Variants in OSBPL5 observed in about 807,000 individuals in gnomAD.
The protein encoded by OSBPL5 is oxysterol binding protein like 5, also known as oxysterol-binding protein-related protein 5.
In OSBPL5, 71 loss-of-function variants were observed where a neutral mutation model predicts 111.2. That is an observed-to-expected ratio of 0.64 (90% CI 0.53 to 0.78). The LOEUF is 0.78. Among genes scored for constraint, OSBPL5 ranks in the 30% least tolerant of loss-of-function variants. The pLI is 0.00. For synonymous variants in OSBPL5, 549 were observed against 513.9 expected (o/e 1.07, Z -0.93); for missense variants, 1,210 against 1,189.3 (o/e 1.02, Z -0.26).
chr11:3,159,831 A>T (rs537953694), intron 1 of OSBPL5, among the ~76,000 whole-genome samples: 1 of 152,168 alleles, frequency 6.6e-6, no homozygotes, highest in South Asian at 2.1e-4. Flanking sequence ...ATGCTCACCC[A>T]GCGCTTGTGT....
At chr11:3,138,768 C>A (rs1161676560) in intron 1 of OSBPL5, among the ~76,000 whole-genome samples, 2 of 152,234 alleles carry the variant, frequency 1.3e-5, no homozygotes, top group Non-Finnish European at 2.9e-5. Context: ...CAGGCCGCTG[C>A]CTACCCAGGT....
intron 1 of OSBPL5, among the ~76,000 whole-genome samples, chr11:3,136,453 C>G (rs2134499695): frequency 6.6e-6 from 1 of 152,402 alleles, no homozygotes; most frequent in East Asian, 1.9e-4. Flanking sequence ...GGCTGAAGCT[C>G]TGAGAAGGAA....
chr11:3,144,504 G>A (rs989775756), intron 1 of OSBPL5, among the ~76,000 whole-genome samples: 1 of 152,178 alleles, frequency 6.6e-6, no homozygotes, highest in Non-Finnish European at 1.5e-5. Context: ...CTCCGTGGCC[G>A]GGACCAGCTG....
chr11:3,155,371 C>A (rs1846721264), intron 1 of OSBPL5, among the ~76,000 whole-genome samples: 3 of 152,198 alleles, frequency 2.0e-5, no homozygotes, highest in Admixed American at 2.0e-4. Flanking sequence ...GGGCCACTTC[C>A]CAGCTGGTGA....
At chr11:3,112,481 T>TTC (rs1554898484) in intron 7 of OSBPL5, among the ~76,000 whole-genome samples, 1,718 of 147,276 alleles carry the variant, frequency 0.012, 30 homozygotes, top group African/African-American at 0.039. Flanking sequence ...TTCTTTTCTT[T>TTC]TTTTTTTTTT....
At chr11:3,090,463 TG>T in intron 20 of OSBPL5, 94 bp downstream of exon 20, 1 of 1,499,454 alleles carries the variant, frequency 6.7e-7, no homozygotes, top group Non-Finnish European at 9.1e-7. Flanking sequence ...GCCCTACATC[TG>T]GGCAGGTGCT....
rs367916712 is a variant in OSBPL5 at position 3,092,300 on chromosome 11, G to A, written c.2259+132C>T. The A allele has an allele frequency of 1.3e-5, 16 of 1,259,618 alleles. No individual in the cohort carries two copies. The highest frequency in any genetic ancestry group is 3.0e-5 in the African/African-American group (2 of 66,150). The allele number at this position is 1,259,618 out of a possible 1,614,324, so 78.0% of individuals were successfully genotyped here. On this transcript the variant is annotated intron_variant, in intron 19 of 21. Transcript: ENST00000263650. This position sits in a 1 kb window ranked among gnomAD's most constrained non-coding sequence, Gnocchi z 5.4. Reference sequence around the variant, plus strand: ...TGCTCGGCAGAGAAGGAAAGGGGACGAGGGGGCTGGGGGATGAGGGCGTGA... The same window carrying A: ...TGCTCGGCAGAGAAGGAAAGGGGACAAGGGGGCTGGGGGATGAGGGCGTGA...
chr11:3,124,294 A>G (rs1366240942), intron 3 of OSBPL5, among the ~76,000 whole-genome samples: 2 of 152,174 alleles, frequency 1.3e-5, no homozygotes, highest in East Asian at 3.9e-4. Flanking sequence ...AGAAAACGGC[A>G]CAAGATGGGG....
chr11:3,098,426 CAAA>C (rs957066300), intron 14 of OSBPL5, among the ~76,000 whole-genome samples: 4 of 141,700 alleles, frequency 2.8e-5, no homozygotes, highest in African/African-American at 1.1e-4. Context: ...TTCAAACAAA[CAAA>C]AACCTTCAAT....
Position 3,102,247 on chromosome 11 carries a change from TC to T in OSBPL5, c.1360del (p.Glu454ArgfsTer19). ...GTGGAACCAGCAGCAGCGGAAGGTC[TC>T]CCCCAGGATGGGGTTGTACGGCTTC... The part of the protein sequence containing the change: ...IKKPYNPILG[E>X]TFRCCWFHPQ... On this transcript the variant is annotated frameshift_variant, in exon 12 of 22. Coordinates refer to ENST00000263650, the MANE Select transcript of OSBPL5 (RefSeq NM_020896.4). LOFTEE classifies it high-confidence loss of function. 1 of 1,607,836 alleles carries T rather than the reference TC, an allele frequency of 6.2e-7. No individual in the cohort carries two copies. Among genetic ancestry groups the T allele is most frequent in the Non-Finnish European group, 8.5e-7 (1 of 1,177,662 alleles).
At position 3,107,140 on chromosome 11, in the gene OSBPL5, G is replaced by C; in HGVS notation, c.1059+123C>G. 1 of 1,060,876 alleles carries C rather than the reference G, an allele frequency of 9.4e-7. No individual in the cohort carries two copies. The highest frequency in any genetic ancestry group is 1.3e-6 in the Non-Finnish European group (1 of 748,264). The allele number at this position is 1,060,876 out of a possible 1,614,324, so 65.7% of individuals were successfully genotyped here. A position where few individuals can be genotyped will look rare whatever the true frequency, so the allele number is the denominator to read the frequency against. ...TCCTGGACTCACTGCCAAGTGATGG[G>C]GACAAAAGCTACCCCCTGGGCCCTG... On this transcript the variant is annotated intron_variant, in intron 9 of 21. Transcript: ENST00000263650. This position sits in a 1 kb window ranked among gnomAD's most constrained non-coding sequence, Gnocchi z 6.1.
intron 1 of OSBPL5, among the ~76,000 whole-genome samples, chr11:3,143,630 G>A (rs1011027324): frequency 6.6e-6 from 1 of 152,230 alleles, no homozygotes. Context: ...CCGCTTCCAC[G>A]CCCACGCAGT....
rs367605488 is a variant in OSBPL5, at chr11:3,157,741, C to T, written c.-22+7475G>A. Among the ~76,000 whole-genome samples, 6 of 152,212 alleles carry T rather than the reference C, an allele frequency of 3.9e-5. No individual in the cohort carries two copies. The East Asian group carries it at 5.8e-4, about 15-fold the overall frequency. ...CCTCTGCTCACAACAATCAGATGAGCGAGAAACTGGCCCAGCCTGCTGGGC... is the reference window on the plus strand; with the variant it reads ...CCTCTGCTCACAACAATCAGATGAGTGAGAAACTGGCCCAGCCTGCTGGGC... On this transcript the variant is annotated intron_variant, in intron 1 of 21. Transcript: ENST00000263650.
At chr11:3,100,508 G>A (rs991731527) in intron 13 of OSBPL5, among the ~76,000 whole-genome samples, 7 of 152,224 alleles carry the variant, frequency 4.6e-5, no homozygotes, top group African/African-American at 1.4e-4. Flanking sequence ...TATTGCAGTC[G>A]CAAAACTGCA....
rs544513860 is a variant in OSBPL5, at chr11:3,104,607, G to A, written c.1060-230C>T. On this transcript the variant is annotated intron_variant, in intron 9 of 21. Coordinates refer to ENST00000263650, the MANE Select transcript of OSBPL5 (RefSeq NM_020896.4). The surrounding 1 kb of genome is among the most constrained non-coding windows in gnomAD (Gnocchi z 5.0). Reference sequence around the variant, plus strand: ...GCACCCGCAGCCCAGGTCCAGGCCCGCTCCTGTCTCTGCTCCTTGCCCAGG... The same window carrying A: ...GCACCCGCAGCCCAGGTCCAGGCCCACTCCTGTCTCTGCTCCTTGCCCAGG... Among the ~76,000 whole-genome samples, 19 of 152,208 alleles carry A rather than the reference G, an allele frequency of 1.2e-4. No individual in the cohort carries two copies. Among genetic ancestry groups the A allele is most frequent in the East Asian group, 7.7e-4 (4 of 5,170 alleles).
chr11:3,122,586 C>T (rs1165269337), intron 3 of OSBPL5, among the ~76,000 whole-genome samples, 158 bp from the exon 4 acceptor site: 4 of 152,196 alleles, frequency 2.6e-5, no homozygotes, highest in African/African-American at 4.8e-5. Context: ...ACCAGCACTT[C>T]CGGGGCTGCC....
intron 1 of OSBPL5, chr11:3,160,967 G>A (rs1846949460): frequency 6.6e-6 from 1 of 152,112 alleles, no homozygotes; most frequent in African/African-American, 2.4e-5. Context: ...CTCCAAGCTG[G>A]GGTGGTGCTT....
At chr11:3,111,680 C>A (rs1262966688) in intron 7 of OSBPL5, among the ~76,000 whole-genome samples, 3 of 152,046 alleles carry the variant, frequency 2.0e-5, no homozygotes, top group Non-Finnish European at 4.4e-5. Flanking sequence ...CCCCTCCCCA[C>A]CCCCACACAC....
chr11:3,099,987 C>T (rs560201019), intron 14 of OSBPL5, among the ~76,000 whole-genome samples, 171 bp downstream of exon 14: 10 of 142,842 alleles, frequency 7.0e-5, no homozygotes, highest in African/African-American at 2.6e-4. Flanking sequence ...CATTGCACTC[C>T]AGCCTGGGCA....
Sources: gnomAD v4.1 joint callset for allele counts (sites outside exome capture counted in the v4.1 genomes callset) on GRCh38, gnomAD v4.1.1 for gene constraint, Gnocchi (gnomAD v3.1) non-coding constraint, MANE v1.5 for transcripts, NCBI Gene and HGNC (gene_info 2026-07-23, HGNC 2026-07-21) for gene names.